TWIST2: variants seen among roughly 807,000 people sequenced by gnomAD.
TWIST2 encodes twist-related protein 2.
Under a neutral mutation model 11.6 loss-of-function variants are expected in TWIST2, and 1 was observed. The ratio of observed to expected loss-of-function variants is 0.09; its 90% confidence interval spans 0.03 to 0.41. TWIST2 has a LOEUF of 0.41. Among genes scored for constraint, TWIST2 ranks in the 10% least tolerant of loss-of-function variants. The pLI is 0.98. For synonymous variants in TWIST2, 87 were observed against 96.6 expected (o/e 0.90, Z 0.58); for missense variants, 168 against 226.4 (o/e 0.74, Z 1.66).
intron 1 of TWIST2, among the ~76,000 whole-genome samples, chr2:238,854,023 T>G (rs1217073623): frequency 2.0e-5 from 3 of 152,198 alleles, no homozygotes; most frequent in Non-Finnish European, 4.4e-5. Context: ...CAGGGAAAGA[T>G]TCAGATGACC....
rs1692910770 is a variant in TWIST2 at position 238,880,892 on chromosome 2, T to TCA, written c.*36-28950_*36-28949insCA. Among the ~76,000 whole-genome samples, 7 of 107,912 alleles carry TCA rather than the reference T, an allele frequency of 6.5e-5. No homozygotes were observed. The South Asian group carries it at 2.4e-3, about 37-fold the overall frequency. The allele number at this position is 107,912 out of a possible 152,430, so 70.8% of individuals were successfully genotyped here. A position where few individuals can be genotyped will look rare whatever the true frequency, so the allele number is the denominator to read the frequency against. On this transcript the variant is annotated intron_variant, in intron 1 of 1. Transcript: ENST00000612363. ...GTTATTGTTAGTGTTAGTGTTGGTATTTATTATTATTAGTGTTAGTGTCAG... is the reference window on the plus strand; with the variant it reads ...GTTATTGTTAGTGTTAGTGTTGGTATCATTATTATTATTAGTGTTAGTGTCAG...
At chr2:238,853,078 A>AAAT (rs1363807942) in intron 1 of TWIST2, among the ~76,000 whole-genome samples, 5 of 152,154 alleles carry the variant, frequency 3.3e-5, no homozygotes, top group Non-Finnish European at 7.3e-5. Flanking sequence ...TGTAAGTCTT[A>AAAT]AATAAAGAAT....
intron 1 of TWIST2, among the ~76,000 whole-genome samples, chr2:238,897,203 C>T (rs948988132): frequency 6.6e-6 from 1 of 151,950 alleles, no homozygotes; most frequent in Non-Finnish European, 1.5e-5. Flanking sequence ...GTTCCTCCTG[C>T]CGCACTTCTC....
intron 1 of TWIST2, among the ~76,000 whole-genome samples, chr2:238,849,796 G>A (rs1692212323): frequency 6.6e-6 from 1 of 152,228 alleles, no homozygotes. Flanking sequence ...AGCCACGGAG[G>A]CGCCGTCCTT....
chr2:238,860,428 A>G (rs1692411380), intron 1 of TWIST2, among the ~76,000 whole-genome samples: 1 of 152,236 alleles, frequency 6.6e-6, no homozygotes, highest in Non-Finnish European at 1.5e-5. Flanking sequence ...AGCTGCTCTG[A>G]GTGCTCCCTC....
intron 1 of TWIST2, among the ~76,000 whole-genome samples, chr2:238,886,132 T>A (rs538885797): frequency 9.9e-5 from 15 of 151,644 alleles, no homozygotes; most frequent in Admixed American, 3.3e-4. Flanking sequence ...CTGATGATTT[T>A]CTCACTAAGA....
chr2:238,870,157 C>A (rs753285690), intron 1 of TWIST2, among the ~76,000 whole-genome samples: 1,577 of 51,532 alleles, frequency 0.031, 28 homozygotes, highest in Non-Finnish European at 0.049. Flanking sequence ...CACACCACAC[C>A]CCACACACAC....
rs1050583123 is a variant in TWIST2 at position 238,898,581 on chromosome 2, C to T, written c.*36-11261C>T. On this transcript the variant is annotated intron_variant, in intron 1 of 1. Coordinates refer to ENST00000612363, the MANE Select transcript of TWIST2 (RefSeq NM_001271893.4). ...CTCCTGAGACACAGCTCAGGGTGGG[C>T]GCAATGTGGGCGAGAGCTCCTTGGG... 2.3e-4 allele frequency among the ~76,000 whole-genome samples: 35 copies of T among 152,300 alleles called. No individual in the cohort carries two copies. The South Asian group carries it at 6.6e-3, about 29-fold the overall frequency.
chr2:238,855,304 C>CT (rs1054323772), intron 1 of TWIST2, among the ~76,000 whole-genome samples: 2 of 151,866 alleles, frequency 1.3e-5, no homozygotes, highest in Non-Finnish European at 2.9e-5. Flanking sequence ...AGGCATACTC[C>CT]TCTTTCTCAA....
chr2:238,859,573 CAA>C (rs368480992), intron 1 of TWIST2, among the ~76,000 whole-genome samples: 45 of 144,924 alleles, frequency 3.1e-4, no homozygotes, highest in Admixed American at 4.8e-4. Flanking sequence ...CTACTATCAC[CAA>C]AAAAAAAAAA....
chr2:238,870,223 CATCACATACCA>C (rs1559273655), intron 1 of TWIST2, among the ~76,000 whole-genome samples: 1 of 14,170 alleles, frequency 7.1e-5, no homozygotes. Context: ...CCCACACACA[CATCACATACCA>C]CACACAAACC....
chr2:238,909,118 G>GA (rs1325198311), intron 1 of TWIST2, among the ~76,000 whole-genome samples: 45 of 96,304 alleles, frequency 4.7e-4, no homozygotes, highest in Middle Eastern at 4.9e-3. Flanking sequence ...TGTGTATGTG[G>GA]GGTGGGGTGT....
chr2:238,890,333 G>A (rs1158319160), intron 1 of TWIST2, among the ~76,000 whole-genome samples: 6 of 152,228 alleles, frequency 3.9e-5, no homozygotes, highest in East Asian at 1.9e-4. Context: ...CCCGGCCTGC[G>A]CGGGGCAGGC....
intron 1 of TWIST2, among the ~76,000 whole-genome samples, chr2:238,890,599 T>C (rs567727897): frequency 3.0e-4 from 46 of 152,344 alleles, no homozygotes; most frequent in Non-Finnish European, 2.2e-4. Flanking sequence ...TAGGAAAATA[T>C]AGAATATTCA....
At chr2:238,881,477 G>A (rs576455966) in intron 1 of TWIST2, among the ~76,000 whole-genome samples, 44 of 151,828 alleles carry the variant, frequency 2.9e-4, no homozygotes, top group African/African-American at 6.8e-4. Flanking sequence ...ATTAGTGTTA[G>A]TATCTATTAG....
intron 1 of TWIST2, among the ~76,000 whole-genome samples, chr2:238,877,245 A>C (rs955517171): frequency 6.6e-6 from 1 of 152,176 alleles, no homozygotes; most frequent in African/African-American, 2.4e-5. Context: ...TTTTGTATAA[A>C]AGTCAGCAGG....
intron 1 of TWIST2, among the ~76,000 whole-genome samples, chr2:238,871,861 GA>G (rs1402097633): frequency 6.6e-6 from 1 of 152,126 alleles, no homozygotes; most frequent in Non-Finnish European, 1.5e-5. Context: ...CATAGAGACG[GA>G]AGGCAGAACG....
intron 1 of TWIST2, among the ~76,000 whole-genome samples, chr2:238,879,170 T>C (rs931873180): frequency 6.6e-6 from 1 of 152,142 alleles, no homozygotes; most frequent in African/African-American, 2.4e-5. Flanking sequence ...CCCCTCCTGG[T>C]GGGGCTCTGA....
intron 1 of TWIST2, among the ~76,000 whole-genome samples, chr2:238,896,123 G>A (rs949264699): frequency 2.6e-4 from 39 of 152,172 alleles, no homozygotes; most frequent in African/African-American, 8.7e-4. Context: ...GGCAAGCCGG[G>A]GTCAGAGGCA....
Sources: gnomAD v4.1 joint callset for allele counts (sites outside exome capture counted in the v4.1 genomes callset) on GRCh38, gnomAD v4.1.1 for gene constraint, MANE v1.5 for transcripts, NCBI Gene and HGNC (gene_info 2026-07-23, HGNC 2026-07-21) for gene names.